IL1RL2: variants seen among roughly 807,000 people sequenced by gnomAD.
IL1RL2 encodes the protein interleukin 1 receptor like 2.
IL1RL2 carries 68 observed loss-of-function variants against 66.8 expected under a neutral mutation model. The observed-to-expected ratio is 1.02, with a 90% CI of 0.84 to 1.25. The LOEUF (loss-of-function observed/expected upper bound fraction) is 1.25. Ranked by LOEUF, IL1RL2 falls within the 50% of genes most tolerant of loss-of-function variation. The probability of loss-of-function intolerance (pLI) is 0.00; values close to 1 mark genes in which losing one functional copy is unlikely to be tolerated. For missense variants in IL1RL2, 729 were observed against 709.3 expected, an observed-to-expected ratio of 1.03 and a Z score of -0.32; for synonymous variants, 305 against 264.6, an observed-to-expected ratio of 1.15 and a Z score of -1.48.
At chr2:102,235,809 G>A in intron 11 of IL1RL2, 10 of 985,398 alleles carry the variant, frequency 1.0e-5, no homozygotes, top group Non-Finnish European at 1.2e-5. Context: ...TGTCAGTGCA[G>A]ACAAAGAGCT....
At chr2:102,188,361 G>A (rs1026860760) in intron 2 of IL1RL2, among the ~76,000 whole-genome samples, 1 of 152,094 alleles carries the variant, frequency 6.6e-6, no homozygotes, top group Non-Finnish European at 1.5e-5. Flanking sequence ...AAGGCGGGCG[G>A]ATCACGAGGT....
At chr2:102,200,098 A>G (rs1169631864) in intron 4 of IL1RL2, among the ~76,000 whole-genome samples, 1 of 135,490 alleles carries the variant, frequency 7.4e-6, no homozygotes, top group Admixed American at 8.3e-5. Context: ...TGGGCGACAG[A>G]GCTAAGACCC....
chr2:102,235,729 C>A (rs1240306684), intron 11 of IL1RL2: 1 of 985,278 alleles, frequency 1.0e-6, no homozygotes, highest in Non-Finnish European at 1.2e-6. Flanking sequence ...CAGTATTTGT[C>A]CACGCCTGTC....
chr2:102,224,091 G>A (rs564242144), intron 8 of IL1RL2, among the ~76,000 whole-genome samples: 5 of 152,310 alleles, frequency 3.3e-5, no homozygotes, highest in South Asian at 4.2e-4. Context: ...ACAACACGGC[G>A]TGGCCTAGGG....
intron 2 of IL1RL2, 140 bp from the exon 3 acceptor site, chr2:102,188,935 GA>G: frequency 1.6e-6 from 1 of 624,342 alleles, no homozygotes. Context: ...CTATTTTTAG[GA>G]AACTTCCAGA....
intron 9 of IL1RL2, among the ~76,000 whole-genome samples, chr2:102,226,483 T>C (rs1003389534): frequency 6.6e-5 from 10 of 152,218 alleles, no homozygotes; most frequent in African/African-American, 2.4e-4. Context: ...CTGTACTTGG[T>C]GCCTGAAGGG....
rs376513159 is a variant in IL1RL2 at position 102,225,910 on chromosome 2, G to A, written c.1004G>A (p.Arg335Gln). ...IILQLPAPDF[R>Q]AYLIGGLIAL... Reference sequence around the variant, plus strand: ...CTGTCATTTGTAGCTCCGGATTTTCGAGCTTACTTGATAGGAGGGCTTATC... The same window carrying A: ...CTGTCATTTGTAGCTCCGGATTTTCAAGCTTACTTGATAGGAGGGCTTATC... Residue 335 changes from arginine to glutamine, a missense_variant, in exon 9 of 12, where the codon CGA (arginine) becomes CAA (glutamine). Physicochemically the swap from Arg to Gln is conservative, Grantham distance 43. Coordinates refer to ENST00000264257, the MANE Select transcript of IL1RL2 (RefSeq NM_003854.4). 7.0e-6 allele frequency: 11 copies of A among 1,574,276 alleles called. No individual in the cohort carries two copies. The highest frequency in any genetic ancestry group is 2.3e-5 in the East Asian group (1 of 43,772).
At chr2:102,188,841 G>A (rs1686966461) in intron 2 of IL1RL2, among the ~76,000 whole-genome samples, 1 of 151,950 alleles carries the variant, frequency 6.6e-6, no homozygotes, top group Non-Finnish European at 1.5e-5. Context: ...CTCCCGATGG[G>A]GAGGTTTGTG....
chr2:102,242,825 G>A (rs187442538), downstream of IL1RL2, among the ~76,000 whole-genome samples: 252 of 152,240 alleles, frequency 1.7e-3, 1 homozygote, highest in African/African-American at 4.9e-3. Context: ...TGGATGTTTA[G>A]GTTTGTTCTA....
At chr2:102,187,202 G>A (rs1195280678) in intron 1 of IL1RL2, 116 bp downstream of exon 1, 1 of 1,215,902 alleles carries the variant, frequency 8.2e-7, no homozygotes, top group Non-Finnish European at 1.1e-6. Context: ...CAGGGATCAG[G>A]CCCCCCAGGC....
chr2:102,228,306 A>G (rs2104870978), intron 9 of IL1RL2, among the ~76,000 whole-genome samples: 1 of 152,312 alleles, frequency 6.6e-6, no homozygotes, highest in East Asian at 1.9e-4. Context: ...GAGTTAAATC[A>G]GGAAATACCG....
chr2:102,240,304 T>C (rs113172976), downstream of IL1RL2, among the ~76,000 whole-genome samples: 1,386 of 151,862 alleles, frequency 9.1e-3, 18 homozygotes, highest in African/African-American at 0.031. Flanking sequence ...CTGATGAATA[T>C]TTTCGTCCTC....
chr2:102,197,166 G>A (rs1035634718), intron 4 of IL1RL2, among the ~76,000 whole-genome samples: 1 of 152,190 alleles, frequency 6.6e-6, no homozygotes, highest in Admixed American at 6.5e-5. Context: ...AGATGGAGAT[G>A]TAATGAATTT....
chr2:102,201,624 G>C lies in IL1RL2; in HGVS notation c.558G>C (p.Ser186=), dbSNP rs752203916. Residue 186 remains serine (S), a synonymous_variant, in exon 5 of 12, where the codon TCG becomes TCC. Coordinates refer to ENST00000264257, the MANE Select transcript of IL1RL2 (RefSeq NM_003854.4). ...LETRLLVSNV[S]AEDRGNYACQ... is the part of the protein sequence containing the mutation. ...CCAGGCTTTTGGTGAGCAATGTCTC[G>C]GCAGAGGACAGAGGGAACTACGCGT... The C allele has an allele frequency of 1.2e-6, 2 of 1,614,076 alleles. No individual in the cohort carries two copies. The highest frequency in any genetic ancestry group is 2.2e-5 in the South Asian group (2 of 91,074).
intron 3 of IL1RL2, among the ~76,000 whole-genome samples, chr2:102,190,844 A>C (rs1445530180): frequency 6.6e-6 from 1 of 152,234 alleles, no homozygotes; most frequent in Non-Finnish European, 1.5e-5. Flanking sequence ...GAAATGAGGA[A>C]AAGTAATCTT....
At chr2:102,187,299 C>G (rs896469240) in intron 1 of IL1RL2, 9 of 1,174,302 alleles carry the variant, frequency 7.7e-6, no homozygotes, top group African/African-American at 4.8e-5. Flanking sequence ...TCAGCTCCAG[C>G]GGCTCCCTGC....
At chr2:102,230,107 A>C (rs1690985760) in intron 9 of IL1RL2, among the ~76,000 whole-genome samples, 1 of 152,222 alleles carries the variant, frequency 6.6e-6, no homozygotes, top group African/African-American at 2.4e-5. Context: ...TATTTACCAG[A>C]GAGGTTATTC....
chr2:102,235,233 C>T lies in IL1RL2; in HGVS notation c.1634C>T (p.Pro545Leu), dbSNP rs549066088. ...CCGCCCAGAAGGTGTCGGCCGTTTC[C>T]TCCGGTCCAGCTGCTGCAGCACACA... is the stretch of plus-strand genomic sequence containing the variant. ...HMPPRRCRPF[P>L]PVQLLQHTPC... Residue 545 changes from proline to leucine, a missense_variant, in exon 11 of 12, where the codon CCT becomes CTT. Coordinates refer to ENST00000264257, the MANE Select transcript of IL1RL2 (RefSeq NM_003854.4). 1.2e-6 allele frequency: 2 copies of T among 1,614,098 alleles called. No individual in the cohort carries two copies. Among genetic ancestry groups the T allele is most frequent in the Non-Finnish European group, 1.7e-6 (2 of 1,180,038 alleles).
At chr2:102,223,396 G>A (rs3755287) in intron 8 of IL1RL2, among the ~76,000 whole-genome samples, 24,236 of 152,058 alleles carry the variant, frequency 0.16, 2,391 homozygotes, top group Admixed American at 0.29. Flanking sequence ...GTGAATTCGC[G>A]TATTACTTAT....
Sources: allele counts gnomAD v4.1 joint callset (sites outside exome capture counted in the v4.1 genomes callset), GRCh38; gene constraint gnomAD v4.1.1; transcripts MANE v1.5; gene names NCBI Gene and HGNC (gene_info 2026-07-23, HGNC 2026-07-21).